MEIG1: variants seen among roughly 807,000 people sequenced by gnomAD.
MEIG1 encodes meiosis/spermiogenesis associated 1.
Under a neutral mutation model 11.3 loss-of-function variants are expected in MEIG1, and 12 were observed. That is an observed-to-expected ratio of 1.07 (90% CI 0.68 to 1.73). The LOEUF (loss-of-function observed/expected upper bound fraction) is 1.73, where lower values mean the gene tolerates loss of function less well. Among genes scored for constraint, MEIG1 ranks in the 40% most tolerant of loss-of-function variants. The probability of loss-of-function intolerance (pLI) is 0.00; values close to 1 mark genes in which losing one functional copy is unlikely to be tolerated. For missense variants in MEIG1, 119 were observed against 104.9 expected (o/e 1.13, Z -0.59); for synonymous variants, 41 against 33.2 (o/e 1.24, Z -0.81).
At chr10:14,984,079 A>G (rs200579355) in intron 1 of MEIG1, among the ~76,000 whole-genome samples, 2 of 152,094 alleles carry the variant, frequency 1.3e-5, no homozygotes, top group Non-Finnish European at 2.9e-5. Flanking sequence ...ACACCCGTGT[A>G]TGATATAGTT....
At chr10:14,973,779 A>G (rs1589212844), downstream of MEIG1, among the ~76,000 whole-genome samples, 1 of 151,382 alleles carries the variant, frequency 6.6e-6, no homozygotes, top group Non-Finnish European at 1.5e-5. Flanking sequence ...CAAAAAAAAA[A>G]AAAAAAAGAA....
At chr10:14,973,736 C>T (rs1214865901), downstream of MEIG1, among the ~76,000 whole-genome samples, 3 of 135,700 alleles carry the variant, frequency 2.2e-5, no homozygotes, top group Non-Finnish European at 4.6e-5. Context: ...CGCCACTGCA[C>T]TCCAGCCTGG....
intron 1 of MEIG1, among the ~76,000 whole-genome samples, chr10:14,984,105 C>T (rs773279618): frequency 1.3e-5 from 2 of 152,034 alleles, no homozygotes; most frequent in African/African-American, 4.8e-5. Context: ...TTTCCAGAGG[C>T]GGAAAAGATA....
intron 2 of MEIG1, among the ~76,000 whole-genome samples, chr10:14,972,116 T>C (rs1306432922): frequency 6.6e-6 from 1 of 151,736 alleles, no homozygotes; most frequent in Admixed American, 6.6e-5. Context: ...CAGAGTTCAA[T>C]GGATTCTTCT....
rs540671569 is a variant in MEIG1 at position 14,963,101 on chromosome 10, T to TTC, written c.-29-3333_-29-3332dup. On this transcript the variant is annotated intron_variant, in intron 1 of 2. Coordinates refer to ENST00000407572, the MANE Select transcript of MEIG1 (RefSeq NM_001080836.3). Reference sequence around the variant, plus strand: ...ACAGTGAATTCACTAACTTTTTTTTTTCTCTCTTAATTTAGACAGAGTTTT... The same window carrying TTC: ...ACAGTGAATTCACTAACTTTTTTTTTTCTCTCTCTTAATTTAGACAGAGTTTT... Among the ~76,000 whole-genome samples, 19 of 151,406 alleles carry TTC rather than the reference T, an allele frequency of 1.3e-4. No homozygotes were observed. The East Asian group carries it at 3.3e-3, about 26-fold the overall frequency.
At chr10:14,976,262 G>C (rs1409712897), downstream of MEIG1, among the ~76,000 whole-genome samples, 1 of 152,096 alleles carries the variant, frequency 6.6e-6, no homozygotes, top group African/African-American at 2.4e-5. Context: ...TATACACCCT[G>C]CTGCATTATT....
At chr10:14,966,066 C>CTTTTTTTTTTTTT (rs10673663) in intron 1 of MEIG1, among the ~76,000 whole-genome samples, 42 of 118,690 alleles carry the variant, frequency 3.5e-4, no homozygotes, top group Non-Finnish European at 5.3e-4. Flanking sequence ...TTTATTTATT[C>CTTTTTTTTTTTTT]TTTTTTTTTT....
chr10:14,984,606 T>A (rs1412081434), intron 1 of MEIG1, among the ~76,000 whole-genome samples: 1 of 152,070 alleles, frequency 6.6e-6, no homozygotes, highest in East Asian at 1.9e-4. Flanking sequence ...TAGAGGGATG[T>A]CACCTCTTAT....
intron 2 of MEIG1, chr10:14,970,404 A>T (rs1843135411): frequency 6.6e-6 from 1 of 152,276 alleles, no homozygotes; most frequent in South Asian, 2.1e-4. Context: ...CATATCAAGT[A>T]GCTCAGCTCC....
At chr10:14,983,280 G>T (rs1843283649) in intron 1 of MEIG1, among the ~76,000 whole-genome samples, 1 of 152,114 alleles carries the variant, frequency 6.6e-6, no homozygotes, top group African/African-American at 2.4e-5. Flanking sequence ...CGGAAGAAGA[G>T]AATGCTATTA....
At chr10:14,980,311 A>T (rs2131281984) in intron 1 of MEIG1, among the ~76,000 whole-genome samples, 1 of 152,198 alleles carries the variant, frequency 6.6e-6, no homozygotes, top group African/African-American at 2.4e-5. Flanking sequence ...CTGCGATGTT[A>T]TTCTTCGCAT....
chr10:14,968,269 C>G (rs1451775378), intron 2 of MEIG1, among the ~76,000 whole-genome samples: 1 of 152,046 alleles, frequency 6.6e-6, no homozygotes, highest in African/African-American at 2.4e-5. Flanking sequence ...AGGCAGATCA[C>G]TTGAGGTAAT....
At chr10:14,975,524 C>T (rs1843200573), downstream of MEIG1, among the ~76,000 whole-genome samples, 1 of 151,982 alleles carries the variant, frequency 6.6e-6, no homozygotes, top group Non-Finnish European at 1.5e-5. Flanking sequence ...TGCTATTATC[C>T]AGAAGAGGAG....
At chr10:14,982,283 T>G (rs1843273380) in intron 1 of MEIG1, among the ~76,000 whole-genome samples, 1 of 152,156 alleles carries the variant, frequency 6.6e-6, no homozygotes, top group Admixed American at 6.6e-5. Flanking sequence ...CCTTTGCATA[T>G]CCTCTCTTTC....
At position 14,981,142 on chromosome 10, in the gene MEIG1, G is replaced by C. The variant is rs1194587381; in HGVS notation, n.67-5654G>C. 3.9e-5 allele frequency among the ~76,000 whole-genome samples: 6 copies of C among 151,902 alleles called. No homozygotes were observed. In the South Asian group the frequency reaches 1.2e-3, roughly 32 times the overall value. On this transcript the variant is annotated intron_variant and non_coding_transcript_variant, in intron 1 of 2. Transcript: ENST00000467536. ...GTGACCGGGTCCTGTTTTTGCCTAA[G>C]CGGCTGGGCCCCAGTCTTAACTGGC...
intron 1 of MEIG1, among the ~76,000 whole-genome samples, chr10:14,978,662 G>A (rs368173137): frequency 6.6e-6 from 1 of 151,974 alleles, no homozygotes; most frequent in Non-Finnish European, 1.5e-5. Context: ...CTAGACGGAT[G>A]TTACACCTAA....
At chr10:14,955,379 C>A (rs10906778), upstream of MEIG1, among the ~76,000 whole-genome samples, 1 of 151,938 alleles carries the variant, frequency 6.6e-6, no homozygotes, top group Admixed American at 6.5e-5. Flanking sequence ...AATCCAGGAA[C>A]AAAGATTTCT....
At chr10:14,961,363 T>A (rs1231313528) in intron 1 of MEIG1, among the ~76,000 whole-genome samples, 2 of 152,222 alleles carry the variant, frequency 1.3e-5, no homozygotes, top group African/African-American at 2.4e-5. Context: ...CGGGACCATC[T>A]GTATGCATAT....
intron 1 of MEIG1, among the ~76,000 whole-genome samples, chr10:14,962,752 C>T (rs534644143): frequency 6.6e-6 from 1 of 151,810 alleles, no homozygotes; most frequent in Non-Finnish European, 1.5e-5. Context: ...AAAAATATGA[C>T]TAATTTGGAA....
Sources: allele counts gnomAD v4.1 joint callset (sites outside exome capture counted in the v4.1 genomes callset), GRCh38; gene constraint gnomAD v4.1.1; transcripts MANE v1.5; gene names NCBI Gene and HGNC (gene_info 2026-07-23, HGNC 2026-07-21).